Variants in PPP2R3A observed in about 807,000 individuals in gnomAD.
PPP2R3A encodes serine/threonine-protein phosphatase 2A regulatory subunit B'' subunit alpha.
Under a neutral mutation model 106.9 loss-of-function variants are expected in PPP2R3A, and 80 were observed. That is an observed-to-expected ratio of 0.75 (90% CI 0.62 to 0.90). The LOEUF (loss-of-function observed/expected upper bound fraction) is 0.90, where lower values mean the gene tolerates loss of function less well. PPP2R3A is among the 40% of genes least tolerant of loss of function. The pLI, the probability that PPP2R3A is intolerant of heterozygous loss-of-function variation, is 0.00. For synonymous variants in PPP2R3A, 483 were observed against 468.3 expected, an observed-to-expected ratio of 1.03 and a Z score of -0.41; for missense variants, 1,386 against 1,350.4, an observed-to-expected ratio of 1.03 and a Z score of -0.41.
At chr3:136,011,183 C>T (rs935480407) in intron 2 of PPP2R3A, among the ~76,000 whole-genome samples, 4 of 152,108 alleles carry the variant, frequency 2.6e-5, no homozygotes, top group Non-Finnish European at 4.4e-5. Flanking sequence ...ATTTCATGCA[C>T]ACATACAATC....
At chr3:135,984,698 T>C (rs577658986) in intron 1 of PPP2R3A, among the ~76,000 whole-genome samples, 1 of 152,334 alleles carries the variant, frequency 6.6e-6, no homozygotes, top group East Asian at 1.9e-4. Context: ...GTAAGTGTCC[T>C]GAGGCTTTCT....
chr3:135,966,586 C>A (rs1358506371), intron 1 of PPP2R3A, among the ~76,000 whole-genome samples: 1 of 152,096 alleles, frequency 6.6e-6, no homozygotes, highest in South Asian at 2.1e-4. Flanking sequence ...ATGTTGCATC[C>A]GAACTCTGTT....
At chr3:136,107,636 C>T (rs1403814674) in intron 13 of PPP2R3A, among the ~76,000 whole-genome samples, 1 of 151,922 alleles carries the variant, frequency 6.6e-6, no homozygotes, top group Non-Finnish European at 1.5e-5. Flanking sequence ...TAAATATTAT[C>T]TTTTTTGAGG....
intron 13 of PPP2R3A, among the ~76,000 whole-genome samples, chr3:136,135,050 C>T (rs927842375): frequency 2.6e-5 from 4 of 151,844 alleles, no homozygotes; most frequent in African/African-American, 7.3e-5. Context: ...TTGGCTCAAG[C>T]GAAAGTTTTT....
At chr3:135,988,423 A>G (rs1381459748) in intron 1 of PPP2R3A, among the ~76,000 whole-genome samples, 1 of 152,006 alleles carries the variant, frequency 6.6e-6, no homozygotes, top group Non-Finnish European at 1.5e-5. Context: ...TTTTGCCTGG[A>G]TTATTCTAAT....
chr3:136,069,936 A>G (rs916367261), intron 5 of PPP2R3A, among the ~76,000 whole-genome samples: 115 of 152,374 alleles, frequency 7.5e-4, no homozygotes, highest in African/African-American at 2.7e-3. Flanking sequence ...TTCTAATGTG[A>G]GAAATGATTT....
At chr3:136,112,271 T>C (rs1415581478) in intron 13 of PPP2R3A, among the ~76,000 whole-genome samples, 1 of 152,058 alleles carries the variant, frequency 6.6e-6, no homozygotes, top group Non-Finnish European at 1.5e-5. Flanking sequence ...CTATTCAACA[T>C]AGTGATGGAA....
Position 135,991,111 on chromosome 3 carries a change from T to A in PPP2R3A, c.-440-9948T>A, listed in dbSNP as rs138295694. 2.5e-3 allele frequency among the ~76,000 whole-genome samples: 377 copies of A among 152,242 alleles called. 3 individuals are homozygous for A. The highest frequency in any genetic ancestry group is 4.5e-3 in the Non-Finnish European group (305 of 68,012). ...CCAGGACTGGGTTTGGCAGATCCCC[T>A]CTCTGGTGTGTCGTCTTTTGCGTAA... On this transcript the variant is annotated intron_variant, in intron 1 of 13. Coordinates refer to ENST00000264977, the MANE Select transcript of PPP2R3A (RefSeq NM_002718.5).
chr3:136,099,925 A>G (rs1937316398), intron 10 of PPP2R3A, among the ~76,000 whole-genome samples: 1 of 151,846 alleles, frequency 6.6e-6, no homozygotes, highest in Non-Finnish European at 1.5e-5. Context: ...CTTAAAAAAA[A>G]AAAAAAAAGA....
chr3:136,037,929 A>G (rs185368595), intron 3 of PPP2R3A, among the ~76,000 whole-genome samples: 3 of 150,078 alleles, frequency 2.0e-5, no homozygotes, highest in African/African-American at 7.3e-5. Flanking sequence ...CTTGCTATCC[A>G]CTCTTCCTTT....
intron 9 of PPP2R3A, 137 bp from the exon 10 acceptor site, chr3:136,090,441 G>A (rs1019832211): frequency 3.3e-6 from 2 of 614,098 alleles, no homozygotes; most frequent in Non-Finnish European, 5.7e-6. Flanking sequence ...CTGTGGAAGG[G>A]TTGCCCTTTA....
chr3:136,002,175 G>A lies in PPP2R3A; in HGVS notation c.677G>A (p.Gly226Glu). The A allele has an allele frequency of 6.2e-7, 1 of 1,613,218 alleles. No homozygotes were observed. Reference sequence around the variant, plus strand: ...CATAAAATAGATAATTTTTCTTCTGGGACAGACATAAAGATGTGCTTGGAC... The same window carrying A: ...CATAAAATAGATAATTTTTCTTCTGAGACAGACATAAAGATGTGCTTGGAC... ...EKHKIDNFSS[G>E]TDIKMCLDIL... Residue 226 changes from glycine (G) to glutamate (E), a missense_variant, in exon 2 of 14, where the codon GGG becomes GAG. Transcript: ENST00000264977.
In PPP2R3A at chr3:136,147,474, T is replaced by C. The variant is rs934977017; in HGVS notation, c.*2308T>C. 1 of 152,686 alleles carries C rather than the reference T, an allele frequency of 6.5e-6. No individual in the cohort carries two copies. The highest frequency in any genetic ancestry group is 1.5e-5 in the Non-Finnish European group (1 of 68,054). The allele number at this position is 152,686 out of a possible 1,614,324, so 9.5% of individuals were successfully genotyped here. On this transcript the variant is annotated 3_prime_UTR_variant, in exon 14 of 14. Coordinates refer to ENST00000264977, the MANE Select transcript of PPP2R3A (RefSeq NM_002718.5). ...TTTCAGGAATTATAAGAATGTGTTT[T>C]ATTGTACTCCTTCCTTGGAGCTGAA... is the stretch of plus-strand genomic sequence containing the variant.
chr3:135,970,999 C>T (rs536391563), intron 1 of PPP2R3A, among the ~76,000 whole-genome samples: 4 of 152,256 alleles, frequency 2.6e-5, no homozygotes, highest in Admixed American at 2.6e-4. Context: ...TCCAGTGACC[C>T]TGACATCATC....
intron 3 of PPP2R3A, among the ~76,000 whole-genome samples, chr3:136,031,943 C>G (rs1348306611): frequency 6.6e-6 from 1 of 152,074 alleles, no homozygotes; most frequent in African/African-American, 2.4e-5. Flanking sequence ...AATGTGACAC[C>G]TCTAGATTTA....
At chr3:136,067,031 A>G (rs1936282281) in intron 5 of PPP2R3A, among the ~76,000 whole-genome samples, 1 of 152,226 alleles carries the variant, frequency 6.6e-6, no homozygotes, top group Non-Finnish European at 1.5e-5. Context: ...AAGATCAGGA[A>G]CAAGGCAAGG....
chr3:136,045,045 C>G (rs1363206923), intron 4 of PPP2R3A, among the ~76,000 whole-genome samples: 1 of 152,204 alleles, frequency 6.6e-6, no homozygotes, highest in Non-Finnish European at 1.5e-5. Context: ...CTAAGAGGCT[C>G]TAACCTTTGT....
chr3:136,135,193 C>T (rs1393786), intron 13 of PPP2R3A, among the ~76,000 whole-genome samples: 1 of 151,804 alleles, frequency 6.6e-6, no homozygotes, highest in Non-Finnish European at 1.5e-5. Flanking sequence ...GAAATTCAAC[C>T]GTTGTATATG....
Position 136,087,921 on chromosome 3 carries a change from G to GCCCAC in PPP2R3A, c.2828_2829insCCACC (p.Val944HisfsTer3). Reference sequence around the variant, plus strand: ...GATTATTGAAAGGATATTCTCTGGTGCAGTAACAAGGTAAGAAAACGTTTA... The same window carrying GCCCAC: ...GATTATTGAAAGGATATTCTCTGGTGCCCACCAGTAACAAGGTAAGAAAACGTTTA... On this transcript the variant is annotated frameshift_variant, in exon 9 of 14. Coordinates refer to ENST00000264977, the MANE Select transcript of PPP2R3A (RefSeq NM_002718.5). LOFTEE classifies it high-confidence loss of function. The GCCCAC allele has an allele frequency of 1.2e-6, 2 of 1,608,860 alleles. No homozygotes were observed. The highest frequency in any genetic ancestry group is 1.7e-6 in the Non-Finnish European group (2 of 1,176,108).
Sources: allele counts gnomAD v4.1 joint callset (sites outside exome capture counted in the v4.1 genomes callset), GRCh38; gene constraint gnomAD v4.1.1; transcripts MANE v1.5; gene names NCBI Gene and HGNC (gene_info 2026-07-23, HGNC 2026-07-21).